The following ADAMTSL3 variants were observed in gnomAD, a reference collection of about 807,000 sequenced individuals.
ADAMTSL3 encodes the protein ADAMTS-like protein 3.
A neutral mutation model predicts 201.7 loss-of-function variants in ADAMTSL3; 128 were observed. That is an observed-to-expected ratio of 0.63 (90% confidence interval 0.55 to 0.73). ADAMTSL3 has a LOEUF of 0.73. Ranked by LOEUF, ADAMTSL3 falls within the 30% of genes least tolerant of loss-of-function variation. The pLI is 0.00. For synonymous variants in ADAMTSL3, 738 were observed against 748.4 expected (o/e 0.99, Z 0.23); for missense variants, 1,990 against 2,119.6 (o/e 0.94, Z 1.20).
intron 13 of ADAMTSL3, among the ~76,000 whole-genome samples, chr15:83,896,915 G>A (rs867094330): frequency 1.3e-5 from 2 of 152,108 alleles, no homozygotes; most frequent in Non-Finnish European, 2.9e-5. Flanking sequence ...ACAAGGCAGC[G>A]GGAGACGGAG....
At chr15:83,885,930 GCCAGGC>G (rs1264753778) in intron 10 of ADAMTSL3, among the ~76,000 whole-genome samples, 5 of 152,066 alleles carry the variant, frequency 3.3e-5, no homozygotes, top group African/African-American at 1.2e-4. Context: ...CACCACGTTG[GCCAGGC>G]TGGTCTTGAA....
rs1156300362 is a variant in ADAMTSL3 at position 83,885,118 on chromosome 15, C to G, written c.978C>G (p.Ala326=). Residue 326 remains alanine, a synonymous_variant, in exon 10 of 30, where the codon GCC becomes GCG. Coordinates refer to ENST00000286744, the MANE Select transcript of ADAMTSL3 (RefSeq NM_207517.3). Reference sequence around the variant, plus strand: ...TTGTCCAGACCAGGTACACTGCAGCCAAAGACAGCGTGGTTCAGTTCTTCT... The same window carrying G: ...TTGTCCAGACCAGGTACACTGCAGCGAAAGACAGCGTGGTTCAGTTCTTCT... The part of the protein sequence containing the change: ...DFIFKTRYTA[A]KDSVVQFFFY... 1.2e-6 allele frequency: 2 copies of G among 1,613,898 alleles called. No individual in the cohort carries two copies. The highest frequency in any genetic ancestry group is 4.5e-5 in the East Asian group (2 of 44,876).
intron 3 of ADAMTSL3, among the ~76,000 whole-genome samples, chr15:83,733,172 A>G (rs2062310084): frequency 6.6e-6 from 1 of 152,146 alleles, no homozygotes; most frequent in Non-Finnish European, 1.5e-5. Context: ...ACAAAAATGA[A>G]CTGAATCATC....
intron 19 of ADAMTSL3, among the ~76,000 whole-genome samples, chr15:83,958,791 A>G (rs2066903882): frequency 6.6e-6 from 1 of 152,184 alleles, no homozygotes; most frequent in Non-Finnish European, 1.5e-5. Context: ...TAACAGGAGA[A>G]TGTAAAATGA....
At chr15:83,853,122 T>C (rs188211924) in intron 7 of ADAMTSL3, among the ~76,000 whole-genome samples, 7 of 152,306 alleles carry the variant, frequency 4.6e-5, no homozygotes, top group Non-Finnish European at 8.8e-5. Context: ...CCCAAAGTGC[T>C]AGGATTACAG....
rs1438972755 is a variant in ADAMTSL3, at chr15:83,835,923, A to G, written c.601-2166A>G. Among the ~76,000 whole-genome samples, 4 of 152,372 alleles carry G rather than the reference A, an allele frequency of 2.6e-5. No homozygotes were observed. The East Asian group carries it at 7.7e-4, about 29-fold the overall frequency. ...TTTAAAACCATTACCAACACTATAT[A>G]CTAGCTGTGTAATATTGGCAAATCA... On this transcript the variant is annotated intron_variant, in intron 6 of 29. Transcript: ENST00000286744.
At chr15:83,772,261 T>C (rs1398417385) in intron 3 of ADAMTSL3, among the ~76,000 whole-genome samples, 5 of 152,234 alleles carry the variant, frequency 3.3e-5, no homozygotes, top group Non-Finnish European at 7.3e-5. Context: ...TGTAAACTTA[T>C]AGATAAACTT....
intron 2 of ADAMTSL3, among the ~76,000 whole-genome samples, chr15:83,667,618 G>A (rs1370750708): frequency 2.0e-5 from 3 of 149,966 alleles, no homozygotes; most frequent in Non-Finnish European, 4.4e-5. Flanking sequence ...GCAGGACAGA[G>A]ATTTCTGTAA....
chr15:83,869,446 C>T (rs766868004), intron 8 of ADAMTSL3, among the ~76,000 whole-genome samples: 9 of 152,150 alleles, frequency 5.9e-5, no homozygotes, highest in Admixed American at 1.3e-4. Flanking sequence ...CATTATTCTT[C>T]GACCACTAAT....
At chr15:83,954,338 G>A (rs761604575) in intron 19 of ADAMTSL3, among the ~76,000 whole-genome samples, 51 of 152,080 alleles carry the variant, frequency 3.4e-4, no homozygotes, top group Non-Finnish European at 6.9e-4. Flanking sequence ...ACATTCTTCA[G>A]TATGTCAATT....
chr15:83,821,377 G>A (rs1157902668), intron 6 of ADAMTSL3, among the ~76,000 whole-genome samples: 1 of 150,848 alleles, frequency 6.6e-6, no homozygotes, highest in Non-Finnish European at 1.5e-5. Context: ...TTCCTAGGCA[G>A]AGGACCCTGC....
chr15:83,714,316 G>A (rs921886662), intron 3 of ADAMTSL3, among the ~76,000 whole-genome samples: 9 of 152,304 alleles, frequency 5.9e-5, no homozygotes, highest in African/African-American at 1.9e-4. Context: ...GCAAGTGGGG[G>A]CACAGGTGTG....
intron 2 of ADAMTSL3, among the ~76,000 whole-genome samples, chr15:83,677,881 G>A (rs2061427932): frequency 6.6e-6 from 1 of 151,078 alleles, no homozygotes; most frequent in African/African-American, 2.4e-5. Flanking sequence ...CTTCCTGTGG[G>A]TTACTTGAAT....
intron 19 of ADAMTSL3, among the ~76,000 whole-genome samples, chr15:83,969,694 A>G (rs186425752): frequency 2.0e-5 from 3 of 152,352 alleles, no homozygotes; most frequent in Non-Finnish European, 4.4e-5. Flanking sequence ...ATAGAAGCAT[A>G]GAATACAATA....
At chr15:83,868,887 G>A (rs552289063) in intron 8 of ADAMTSL3, among the ~76,000 whole-genome samples, 2 of 152,242 alleles carry the variant, frequency 1.3e-5, no homozygotes, top group South Asian at 2.1e-4. Context: ...TAACAAAAAT[G>A]CTGGCCTATG....
intron 6 of ADAMTSL3, among the ~76,000 whole-genome samples, chr15:83,822,005 T>C (rs6602994): frequency 0.8 from 94,323 of 118,642 alleles, 37,606 homozygotes; most frequent in East Asian, 1. Flanking sequence ...GTTGCTGACC[T>C]CCCCCACCTC....
At chr15:83,948,194 C>T (rs561044046) in intron 19 of ADAMTSL3, among the ~76,000 whole-genome samples, 122 of 152,222 alleles carry the variant, frequency 8.0e-4, no homozygotes, top group African/African-American at 2.7e-3. Flanking sequence ...AATTACAACT[C>T]GTGAAGGAAG....
chr15:84,035,596 A>G (rs538802405), intron 28 of ADAMTSL3, among the ~76,000 whole-genome samples: 1 of 152,298 alleles, frequency 6.6e-6, no homozygotes, highest in Admixed American at 6.5e-5. Context: ...CCTACTGGCT[A>G]ATGATAGGAT....
intron 13 of ADAMTSL3, among the ~76,000 whole-genome samples, chr15:83,896,634 C>T (rs1038093144): frequency 2.6e-5 from 4 of 151,936 alleles, no homozygotes; most frequent in Admixed American, 1.3e-4. Flanking sequence ...GGAAGATTGG[C>T]GCTGTCTGTA....
Sources: gnomAD v4.1 joint callset for allele counts (sites outside exome capture counted in the v4.1 genomes callset) on GRCh38, gnomAD v4.1.1 for gene constraint, MANE v1.5 for transcripts, NCBI Gene and HGNC (gene_info 2026-07-23, HGNC 2026-07-21) for gene names.